Variants in MYL3 observed in about 807,000 individuals in gnomAD.
MYL3 encodes the protein CMLC1.
A neutral mutation model predicts 21.3 loss-of-function variants in MYL3; 11 were observed. The ratio of observed to expected loss-of-function variants is 0.52; its 90% CI spans 0.32 to 0.85. The LOEUF is 0.85. MYL3 is among the 40% of genes least tolerant of loss of function. The pLI, the probability that MYL3 is intolerant of heterozygous loss-of-function variation, is 0.03. For synonymous variants in MYL3, 88 were observed against 91.6 expected (o/e 0.96, Z 0.22); for missense variants, 206 against 253.3 (o/e 0.81, Z 1.27).
intron 1 of MYL3, among the ~76,000 whole-genome samples, chr3:46,876,578 G>A (rs966016330): frequency 2.6e-5 from 4 of 152,172 alleles, no homozygotes; most frequent in Non-Finnish European, 4.4e-5. Context: ...AGGTATCACC[G>A]AGCCTGCCTC....
intron 1 of MYL3, among the ~76,000 whole-genome samples, chr3:46,881,418 C>G (rs1310722602): frequency 6.6e-6 from 1 of 152,174 alleles, no homozygotes. Context: ...CCGGTCCGAG[C>G]CGGCCGATAG....
Position 46,858,282 on chromosome 3 carries a change from AGAG to A in MYL3, c.560-13_560-11del, listed in dbSNP as rs778313994. The A allele has an allele frequency of 2.5e-6, 4 of 1,614,068 alleles. No individual in the cohort carries two copies. The highest frequency in any genetic ancestry group is 1.7e-6 in the Non-Finnish European group (2 of 1,180,020). On this transcript the variant is annotated splice_polypyrimidine_tract_variant and intron_variant, in intron 5 of 6. Coordinates refer to ENST00000292327, the MANE Select transcript of MYL3 (RefSeq NM_000258.3). ...ATGTGCTTCACAAATGCTGGAAAGA[AGAG>A]GAGAGTGAGTGGCAGGAGTGCAACA... is the stretch of plus-strand genomic sequence containing the variant.
intron 1 of MYL3, 106 bp downstream of exon 1, chr3:46,863,156 C>T: frequency 1.3e-6 from 2 of 1,531,408 alleles, no homozygotes; most frequent in Non-Finnish European, 1.8e-6. Context: ...CTTCCAGCGT[C>T]AGCTCAGTGC....
chr3:46,866,729 G>C (rs1339972781), upstream of MYL3: 1 of 152,246 alleles, frequency 6.6e-6, no homozygotes, highest in African/African-American at 2.4e-5. Flanking sequence ...CGGAGAGATG[G>C]GGAGATTTGC....
upstream of MYL3, among the ~76,000 whole-genome samples, chr3:46,867,207 G>A (rs1186861929): frequency 6.6e-6 from 1 of 151,952 alleles, no homozygotes; most frequent in Admixed American, 6.6e-5. Flanking sequence ...CCGGACCCCA[G>A]ACCCCAGACA....
chr3:46,865,850 C>T (rs1702043503), upstream of MYL3, among the ~76,000 whole-genome samples: 1 of 152,176 alleles, frequency 6.6e-6, no homozygotes, highest in Non-Finnish European at 1.5e-5. The surrounding 1 kb of genome is among the most constrained non-coding windows in gnomAD (Gnocchi z 4.3). Flanking sequence ...TGCACAGAGC[C>T]ATCCTCACTC....
chr3:46,863,171 C>T (rs1344219851), intron 1 of MYL3, 91 bp downstream of exon 1: 2 of 1,585,326 alleles, frequency 1.3e-6, no homozygotes, highest in Non-Finnish European at 1.7e-6. Flanking sequence ...CAGTGCTCAC[C>T]TCCAGAGCCT....
rs1701944105 is a variant in MYL3 at position 46,857,872 on chromosome 3, G to A, written c.*243C>T. ...GGGAGGAAGGGAAATAAGTCAGAAA[G>A]GAAGGCCGGCAAGAAGCCATTTATT... On this transcript the variant is annotated 3_prime_UTR_variant, in exon 7 of 7. Coordinates refer to ENST00000292327, the MANE Select transcript of MYL3 (RefSeq NM_000258.3). This position sits in a 1 kb window ranked among gnomAD's most constrained non-coding sequence, Gnocchi z 5.0. 3.0e-6 allele frequency: 1 copy of A among 336,692 alleles called. No homozygotes were observed. Among genetic ancestry groups the A allele is most frequent in the Non-Finnish European group, 5.6e-6 (1 of 180,004 alleles). The allele number at this position is 336,692 out of a possible 1,614,324, so 20.9% of individuals were successfully genotyped here.
chr3:46,873,666 G>A (rs1394904290), intron 1 of MYL3, among the ~76,000 whole-genome samples: 1 of 152,212 alleles, frequency 6.6e-6, no homozygotes, highest in Non-Finnish European at 1.5e-5. Context: ...CTGCTGTGAG[G>A]ACAGGATGTA....
upstream of MYL3, among the ~76,000 whole-genome samples, chr3:46,867,961 G>T (rs572179312): frequency 6.6e-6 from 1 of 152,232 alleles, no homozygotes; most frequent in African/African-American, 2.4e-5. Flanking sequence ...CAGATGGGGA[G>T]ACCGTGGCCC....
upstream of MYL3, among the ~76,000 whole-genome samples, chr3:46,867,353 C>T (rs975569726): frequency 2.0e-5 from 3 of 152,186 alleles, no homozygotes; most frequent in Non-Finnish European, 2.9e-5. Flanking sequence ...TCCAGATCAG[C>T]GTGGCCCTGT....
Position 46,859,822 on chromosome 3 carries a change from G to A in MYL3, c.308-174C>T, listed in dbSNP as rs1392329037. 6.6e-6 allele frequency among the ~76,000 whole-genome samples: 1 copy of A among 152,178 alleles called. No individual in the cohort carries two copies. The highest frequency in any genetic ancestry group is 1.5e-5 in the Non-Finnish European group (1 of 68,032). On this transcript the variant is annotated intron_variant, in intron 3 of 6. Coordinates refer to ENST00000292327, the MANE Select transcript of MYL3 (RefSeq NM_000258.3). The surrounding 1 kb of genome is among the most constrained non-coding windows in gnomAD (Gnocchi z 4.1). ...ATTTAAAAGCAAACTACCATCGCGA[G>A]GCACTTTACAGTCTACTGAGCAATG...
chr3:46,868,169 G>A (rs191728801), upstream of MYL3, among the ~76,000 whole-genome samples: 4 of 152,264 alleles, frequency 2.6e-5, no homozygotes, highest in South Asian at 2.1e-4. Flanking sequence ...GCACAACCCC[G>A]GGCCTTGAGA....
At chr3:46,868,188 A>G (rs1046155406), upstream of MYL3, among the ~76,000 whole-genome samples, 1 of 152,154 alleles carries the variant, frequency 6.6e-6, no homozygotes, top group African/African-American at 2.4e-5. Flanking sequence ...GAGATGGAAA[A>G]GAGTACCCAA....
upstream of MYL3, among the ~76,000 whole-genome samples, chr3:46,864,290 A>G (rs954348110): frequency 1.3e-5 from 2 of 151,972 alleles, no homozygotes; most frequent in Non-Finnish European, 2.9e-5. This position sits in a 1 kb window ranked among gnomAD's most constrained non-coding sequence, Gnocchi z 4.7. Context: ...AGCCCTGGCT[A>G]TGGGTCCAAG....
At position 46,860,917 on chromosome 3, in the gene MYL3, C is replaced by T; in HGVS notation, c.157+43G>A. 1.2e-6 allele frequency: 2 copies of T among 1,614,110 alleles called. No individual in the cohort carries two copies. The highest frequency in any genetic ancestry group is 1.7e-6 in the Non-Finnish European group (2 of 1,179,998). ...GGCAGGACCCTCAGACCAGGGAACCCCAGCCCAATCCTGCAACCCCTGGGT... is the reference window on the plus strand; with the variant it reads ...GGCAGGACCCTCAGACCAGGGAACCTCAGCCCAATCCTGCAACCCCTGGGT... On this transcript the variant is annotated intron_variant, in intron 2 of 6. Transcript: ENST00000292327. The surrounding 1 kb of genome is among the most constrained non-coding windows in gnomAD (Gnocchi z 4.6).
At chr3:46,871,392 G>C (rs1702112132) in intron 1 of MYL3, among the ~76,000 whole-genome samples, 1 of 152,182 alleles carries the variant, frequency 6.6e-6, no homozygotes, top group South Asian at 2.1e-4. Flanking sequence ...CAGCGTCCTG[G>C]TTTGGGGCTT....
At chr3:46,876,626 T>C (rs1373825987) in intron 1 of MYL3, among the ~76,000 whole-genome samples, 1 of 152,108 alleles carries the variant, frequency 6.6e-6, no homozygotes, top group African/African-American at 2.4e-5. Context: ...CTTTGGAAAC[T>C]CTAATGAGTG....
intron 1 of MYL3, among the ~76,000 whole-genome samples, chr3:46,878,994 T>G (rs528979199): frequency 1.3e-5 from 2 of 152,186 alleles, no homozygotes; most frequent in Admixed American, 1.3e-4. Flanking sequence ...TGGGGCGTGC[T>G]TGTCAAAAAG....
Sources: allele counts gnomAD v4.1 joint callset (sites outside exome capture counted in the v4.1 genomes callset), GRCh38; gene constraint gnomAD v4.1.1; non-coding constraint Gnocchi (gnomAD v3.1); transcripts MANE v1.5; gene names NCBI Gene and HGNC (gene_info 2026-07-23, HGNC 2026-07-21).